CACNA2D3: variants seen among roughly 807,000 people sequenced by gnomAD.
The protein encoded by CACNA2D3 is voltage-dependent calcium channel subunit alpha-2/delta-3.
In CACNA2D3, 60 loss-of-function variants were observed where a neutral mutation model predicts 160.6. The observed-to-expected ratio is 0.37, with a 90% CI of 0.30 to 0.46. The LOEUF is 0.46. Among genes scored for constraint, CACNA2D3 ranks in the 20% least tolerant of loss-of-function variants. The probability of loss-of-function intolerance (pLI) is 1.00; values close to 1 mark genes in which losing one functional copy is unlikely to be tolerated. For synonymous variants in CACNA2D3, 558 were observed against 492.9 expected, an observed-to-expected ratio of 1.13 and a Z score of -1.75; for missense variants, 1,205 against 1,365.0, an observed-to-expected ratio of 0.88 and a Z score of 1.85.
At chr3:54,898,889 A>G (rs982203168) in intron 26 of CACNA2D3, among the ~76,000 whole-genome samples, 1 of 152,210 alleles carries the variant, frequency 6.6e-6, no homozygotes, top group Non-Finnish European at 1.5e-5. Context: ...ACCAACTGCA[A>G]GTCTCTGTGG....
chr3:54,675,168 C>A (rs547867299), intron 11 of CACNA2D3, among the ~76,000 whole-genome samples: 1 of 152,272 alleles, frequency 6.6e-6, no homozygotes, highest in South Asian at 2.1e-4. Flanking sequence ...AATTTACAGG[C>A]TGCATGGTAT....
intron 4 of CACNA2D3, among the ~76,000 whole-genome samples, chr3:54,410,057 AGAG>A (rs1415442384): frequency 1.3e-5 from 2 of 152,290 alleles, no homozygotes; most frequent in Admixed American, 1.3e-4. Context: ...TCCTAGTTGA[AGAG>A]GAGAAGTCGG....
intron 2 of CACNA2D3, among the ~76,000 whole-genome samples, chr3:54,270,274 G>A (rs969317679): frequency 1.8e-4 from 27 of 152,230 alleles, no homozygotes; most frequent in African/African-American, 6.5e-4. Flanking sequence ...TTTTGGAGAT[G>A]ATTTAGCTTT....
chr3:54,967,124 A>C (rs1016680668), intron 27 of CACNA2D3: 9 of 152,240 alleles, frequency 5.9e-5, no homozygotes, highest in Non-Finnish European at 1.2e-4. Context: ...GCACTGCTCT[A>C]GTCTTTATCC....
intron 35 of CACNA2D3, among the ~76,000 whole-genome samples, chr3:55,024,541 C>T (rs1703524725): frequency 6.6e-6 from 1 of 152,128 alleles, no homozygotes; most frequent in Non-Finnish European, 1.5e-5. Flanking sequence ...ATCTGTTTGA[C>T]CTTCCATCAT....
intron 2 of CACNA2D3, among the ~76,000 whole-genome samples, chr3:54,229,646 A>G (rs150628981): frequency 1.9e-3 from 292 of 152,238 alleles, no homozygotes; most frequent in Non-Finnish European, 3.2e-3. Context: ...AAAGTTTCTG[A>G]TAAGTTAAGA....
At position 54,764,310 on chromosome 3, in the gene CACNA2D3, G is replaced by A. The variant is rs1168002339; in HGVS notation, c.1339G>A (p.Glu447Lys). The change falls in exon 13 of 38, where the codon GAG becomes AAG. Residue 447 changes from glutamate to lysine, a missense_variant. Physicochemically the swap from Glu to Lys is moderately conservative, Grantham distance 56. Coordinates refer to ENST00000474759, the MANE Select transcript of CACNA2D3 (RefSeq NM_018398.3). ...VLSRPKVIDQ[E>K]HDVVWTEAYI... ...TAGCCGGCCCAAAGTCATCGACCAG[G>A]AGCATGATGTGGTGTGGACCGAAGC... The A allele has an allele frequency of 1.2e-6, 2 of 1,613,756 alleles. No individual in the cohort carries two copies. Among genetic ancestry groups the A allele is most frequent in the Non-Finnish European group, 1.7e-6 (2 of 1,179,852 alleles).
intron 7 of CACNA2D3, 39 bp from the exon 8 acceptor site, chr3:54,569,915 G>A (rs1299564437): frequency 1.9e-6 from 3 of 1,613,498 alleles, no homozygotes; most frequent in African/African-American, 1.3e-5. Flanking sequence ...GAGAAGTGAA[G>A]TCAGGATTAA....
intron 5 of CACNA2D3, among the ~76,000 whole-genome samples, chr3:54,531,138 T>C (rs1178527686): frequency 2.6e-5 from 4 of 152,244 alleles, no homozygotes; most frequent in Non-Finnish European, 5.9e-5. Context: ...CGAGGATGGA[T>C]TATTCGAAGC....
chr3:55,030,085 G>T (rs1019403701), intron 35 of CACNA2D3, among the ~76,000 whole-genome samples: 3 of 152,046 alleles, frequency 2.0e-5, no homozygotes, highest in Non-Finnish European at 4.4e-5. Flanking sequence ...GTTTTCCCTT[G>T]TTGTCTTTAC....
At chr3:54,226,349 C>T (rs1701672910) in intron 2 of CACNA2D3, among the ~76,000 whole-genome samples, 1 of 130,916 alleles carries the variant, frequency 7.6e-6, no homozygotes, top group Admixed American at 9.1e-5. Flanking sequence ...GTTGCTCTGT[C>T]ACCCAGGCTG....
intron 8 of CACNA2D3, among the ~76,000 whole-genome samples, chr3:54,578,905 G>C (rs1381511783): frequency 1.3e-5 from 2 of 152,178 alleles, no homozygotes; most frequent in Non-Finnish European, 2.9e-5. Context: ...CTCAATTTCT[G>C]CAGGGCCCCC....
intron 17 of CACNA2D3, among the ~76,000 whole-genome samples, chr3:54,851,169 A>T (rs1699049154): frequency 6.6e-6 from 1 of 152,200 alleles, no homozygotes. Flanking sequence ...GAACTATTCT[A>T]AGTGTTTCAC....
At chr3:55,064,806 T>G (rs949526307) in intron 35 of CACNA2D3, among the ~76,000 whole-genome samples, 4 of 152,082 alleles carry the variant, frequency 2.6e-5, no homozygotes, top group Non-Finnish European at 5.9e-5. Context: ...GAGGAAGATG[T>G]TCAGAGTTCA....
intron 2 of CACNA2D3, among the ~76,000 whole-genome samples, chr3:54,176,759 AT>A (rs921442933): frequency 6.0e-5 from 9 of 149,874 alleles, no homozygotes; most frequent in South Asian, 2.1e-4. Context: ...TCCTTTGTTG[AT>A]TTTTTTTTTG....
At chr3:54,625,065 G>T (rs546436630) in intron 9 of CACNA2D3, among the ~76,000 whole-genome samples, 63 of 152,208 alleles carry the variant, frequency 4.1e-4, no homozygotes, top group Non-Finnish European at 8.1e-4. Context: ...TGAGAACTGG[G>T]CAGAAAGAAA....
intron 35 of CACNA2D3, among the ~76,000 whole-genome samples, chr3:55,034,635 G>A (rs1703772580): frequency 6.6e-6 from 1 of 151,032 alleles, no homozygotes; most frequent in South Asian, 2.1e-4. Context: ...CATGCTTTCT[G>A]GTTTTTTTTC....
chr3:54,736,680 GTTTA>G (rs535676682), intron 11 of CACNA2D3, among the ~76,000 whole-genome samples: 227 of 152,258 alleles, frequency 1.5e-3, no homozygotes, highest in African/African-American at 5.0e-3. Context: ...TCTGTCTTTT[GTTTA>G]TTTGTTTTTG....
chr3:54,699,443 C>T (rs1700725486), intron 11 of CACNA2D3, among the ~76,000 whole-genome samples: 2 of 152,244 alleles, frequency 1.3e-5, no homozygotes, highest in African/African-American at 4.8e-5. Context: ...AGCCTGCTTC[C>T]CCCCAGTCAC....
Sources: gnomAD v4.1 joint callset for allele counts (sites outside exome capture counted in the v4.1 genomes callset) on GRCh38, gnomAD v4.1.1 for gene constraint, MANE v1.5 for transcripts, NCBI Gene and HGNC (gene_info 2026-07-23, HGNC 2026-07-21) for gene names.